The following PTPRN2 variants were observed in gnomAD, a reference collection of about 807,000 sequenced individuals.
PTPRN2 encodes the protein protein tyrosine phosphatase receptor type N2.
Under a neutral mutation model 118.8 loss-of-function variants are expected in PTPRN2, and 74 were observed. The ratio of observed to expected loss-of-function variants is 0.62; its 90% CI spans 0.52 to 0.76. The LOEUF (loss-of-function observed/expected upper bound fraction) is 0.76, where lower values mean the gene tolerates loss of function less well. Ranked by LOEUF, PTPRN2 falls within the 30% of genes least tolerant of loss-of-function variation. The pLI is 0.00. For missense variants in PTPRN2, 1,481 were observed against 1,394.4 expected, an observed-to-expected ratio of 1.06 and a Z score of -0.99; for synonymous variants, 641 against 608.0, an observed-to-expected ratio of 1.05 and a Z score of -0.80.
chr7:157,909,121 C>G (rs768902076), intron 11 of PTPRN2, among the ~76,000 whole-genome samples: 1 of 152,118 alleles, frequency 6.6e-6, no homozygotes, highest in South Asian at 2.1e-4. Context: ...ACCAGCCCAT[C>G]GAGAGAACAT....
Position 158,565,763 on chromosome 7 carries a change from C to T in PTPRN2, c.112+21795G>A, listed in dbSNP as rs573475805. On this transcript the variant is annotated intron_variant, in intron 1 of 22. Transcript: ENST00000389418. The surrounding 1 kb of genome is among the most constrained non-coding windows in gnomAD (Gnocchi z 4.6). ...GAACCCTGGAGGCAGGCACTGTTCC[C>T]GTAGTTACCCGCACGTCTAGAGACT... Among the ~76,000 whole-genome samples, 9 of 152,268 alleles carry T rather than the reference C, an allele frequency of 5.9e-5. No homozygotes were observed. Among genetic ancestry groups the T allele is most frequent in the South Asian group, 2.1e-4 (1 of 4,826 alleles).
chr7:158,046,248 C>A (rs1808858379), intron 11 of PTPRN2, among the ~76,000 whole-genome samples: 1 of 151,184 alleles, frequency 6.6e-6, no homozygotes, highest in Non-Finnish European at 1.5e-5. Flanking sequence ...TTCCTGGCGT[C>A]CTGACACTGC....
chr7:157,679,703 C>T (rs1796828137), intron 13 of PTPRN2, among the ~76,000 whole-genome samples: 1 of 151,078 alleles, frequency 6.6e-6, no homozygotes. Flanking sequence ...CTCACACACA[C>T]AGGGGTCGGG....
At chr7:157,765,628 C>T (rs539983161) in intron 12 of PTPRN2, among the ~76,000 whole-genome samples, 1 of 151,290 alleles carries the variant, frequency 6.6e-6, no homozygotes, top group East Asian at 2.0e-4. Flanking sequence ...ATCCATCATC[C>T]ATTCTTCCTC....
intron 11 of PTPRN2, among the ~76,000 whole-genome samples, chr7:158,047,755 G>T (rs1043772447): frequency 2.0e-5 from 3 of 152,336 alleles, no homozygotes; most frequent in Admixed American, 1.3e-4. Flanking sequence ...AGCAGCTGAG[G>T]TCCATTCTGC....
chr7:158,300,844 A>G (rs1464257136), intron 3 of PTPRN2, among the ~76,000 whole-genome samples: 1 of 147,476 alleles, frequency 6.8e-6, no homozygotes, highest in Non-Finnish European at 1.5e-5. Flanking sequence ...ATCTCGGTGG[A>G]CAGGGGCTGT....
intron 6 of PTPRN2, among the ~76,000 whole-genome samples, chr7:158,141,488 G>A (rs565066812): frequency 6.6e-6 from 1 of 152,328 alleles, no homozygotes; most frequent in African/African-American, 2.4e-5. Context: ...GCCTAGACTC[G>A]CATGACTTTC....
intron 11 of PTPRN2, among the ~76,000 whole-genome samples, chr7:158,054,421 G>A (rs988744549): frequency 3.9e-5 from 6 of 152,220 alleles, no homozygotes; most frequent in Admixed American, 1.3e-4. Context: ...GTGGGATGGG[G>A]GACAGAGCAA....
At chr7:157,912,885 T>C (rs1015956757) in intron 11 of PTPRN2, among the ~76,000 whole-genome samples, 3 of 152,198 alleles carry the variant, frequency 2.0e-5, no homozygotes, top group Non-Finnish European at 4.4e-5. Flanking sequence ...TTTCTTACTT[T>C]AGTGTAAGTA....
At chr7:158,323,725 C>T (rs1803225553) in intron 2 of PTPRN2, among the ~76,000 whole-genome samples, 1 of 152,166 alleles carries the variant, frequency 6.6e-6, no homozygotes, top group African/African-American at 2.4e-5. Flanking sequence ...GCAAGCGTCA[C>T]TGTCCCCAAA....
At chr7:157,892,291 T>C (rs1217806851) in intron 12 of PTPRN2, among the ~76,000 whole-genome samples, 1 of 152,248 alleles carries the variant, frequency 6.6e-6, no homozygotes, top group East Asian at 1.9e-4. Flanking sequence ...CAAATTATTT[T>C]TCTTCCAAAC....
At chr7:158,320,395 G>C (rs1802900086) in intron 2 of PTPRN2, among the ~76,000 whole-genome samples, 2 of 152,148 alleles carry the variant, frequency 1.3e-5, no homozygotes, top group South Asian at 4.1e-4. Context: ...TTCACTCCCA[G>C]CAGCTGCGAT....
At chr7:158,167,323 G>C in intron 5 of PTPRN2, 32 bp from the exon 6 acceptor site, 1 of 1,542,954 alleles carries the variant, frequency 6.5e-7, no homozygotes, top group Non-Finnish European at 8.7e-7. Context: ...CAGAGCAAGA[G>C]TCACATTTCC....
At position 157,761,238 on chromosome 7, in the gene PTPRN2, G is replaced by GA. The variant is rs1802106799; in HGVS notation, c.1789-78302dup. ...ACCAATGACTTTCTTCACAGAATTG[G>GA]AAAAAAACTACTTTAAAGTTCATAT... On this transcript the variant is annotated intron_variant, in intron 12 of 22. Transcript: ENST00000389418. 2.6e-5 allele frequency among the ~76,000 whole-genome samples: 4 copies of GA among 151,772 alleles called. No individual in the cohort carries two copies. The South Asian group carries it at 8.4e-4, about 32-fold the overall frequency.
chr7:157,542,011 C>T (rs914941661), intron 22 of PTPRN2, among the ~76,000 whole-genome samples: 6 of 152,160 alleles, frequency 3.9e-5, no homozygotes, highest in African/African-American at 1.2e-4. Context: ...CTGAGCCTGG[C>T]GGCCACCTCA....
At chr7:157,862,400 T>C (rs2151236398) in intron 12 of PTPRN2, 1 of 152,388 alleles carries the variant, frequency 6.6e-6, no homozygotes, top group Admixed American at 6.5e-5. Context: ...CAGAATGTCT[T>C]GCTTATTTCA....
Position 158,414,006 on chromosome 7 carries a change from T to C in PTPRN2, c.163+75729A>G, listed in dbSNP as rs993343573. On this transcript the variant is annotated intron_variant, in intron 2 of 22. Transcript: ENST00000389418. ...TCACTTGAACCTGGGAGGCGGAGGT[T>C]GCAGTGAGCCGTGATCGTGCCACTG... is the stretch of plus-strand genomic sequence containing the variant. 2.0e-5 allele frequency among the ~76,000 whole-genome samples: 3 copies of C among 149,312 alleles called. 1 individual carries two copies. The Admixed American group carries it at 2.0e-4, about 10-fold the overall frequency.
chr7:158,514,214 A>G (rs1823378720), intron 1 of PTPRN2, among the ~76,000 whole-genome samples: 1 of 152,118 alleles, frequency 6.6e-6, no homozygotes, highest in African/African-American at 2.4e-5. Flanking sequence ...TCACAGGTAT[A>G]CCTGGTATAC....
rs575014479 is a variant in PTPRN2, at chr7:157,784,502, C to G, written c.1789-101565G>C. On this transcript the variant is annotated intron_variant, in intron 12 of 22. Coordinates refer to ENST00000389418, the MANE Select transcript of PTPRN2 (RefSeq NM_002847.5). The surrounding 1 kb of genome is among the most constrained non-coding windows in gnomAD (Gnocchi z 4.6). ...GGGAACCTTCCTGCCCTGCAGGAAC[C>G]ACCTCAGCCTCAGCCTCAGCGCTGG... Among the ~76,000 whole-genome samples, 1 of 152,324 alleles carries G rather than the reference C, an allele frequency of 6.6e-6. No individual in the cohort carries two copies. Among genetic ancestry groups the G allele is most frequent in the African/African-American group, 2.4e-5 (1 of 41,582 alleles).
Sources: gnomAD v4.1 joint callset for allele counts (sites outside exome capture counted in the v4.1 genomes callset) on GRCh38, gnomAD v4.1.1 for gene constraint, Gnocchi (gnomAD v3.1) non-coding constraint, MANE v1.5 for transcripts, NCBI Gene and HGNC (gene_info 2026-07-23, HGNC 2026-07-21) for gene names.